Variants in PRKD2 observed in about 807,000 individuals in gnomAD.
PRKD2 encodes the protein protein kinase D2, also known as serine/threonine-protein kinase D2.
PRKD2 carries 22 observed loss-of-function variants against 86.0 expected under a neutral mutation model. The observed-to-expected ratio is 0.26, with a 90% CI of 0.18 to 0.37. PRKD2 has a LOEUF of 0.37. Among genes scored for constraint, PRKD2 ranks in the 10% least tolerant of loss-of-function variants. The pLI is 1.00. For missense variants in PRKD2, 818 were observed against 1,199.2 expected (o/e 0.68, Z 4.70); for synonymous variants, 509 against 510.9 (o/e 1.00, Z 0.05).
intron 15 of PRKD2, among the ~76,000 whole-genome samples, chr19:46,680,946 A>ATATT: frequency 3.5e-4 from 17 of 48,228 alleles, no homozygotes; most frequent in African/African-American, 4.2e-4. Flanking sequence ...ATATATATAT[A>ATATT]TTTTTTTTTT....
At chr19:46,713,337 C>T (rs2053835497) in intron 2 of PRKD2, among the ~76,000 whole-genome samples, 1 of 151,370 alleles carries the variant, frequency 6.6e-6, no homozygotes, top group African/African-American at 2.4e-5. Flanking sequence ...CATTTTTTAC[C>T]TTTATATTTA....
At chr19:46,681,803 C>G in intron 14 of PRKD2, 55 bp from the exon 15 acceptor site, 1 of 1,184,186 alleles carries the variant, frequency 8.4e-7, no homozygotes, top group South Asian at 1.2e-5. Context: ...CAGCCAAATC[C>G]CAACCTCAGC....
chr19:46,681,625 CAAA>C, intron 15 of PRKD2, 22 bp downstream of exon 15: 1 of 1,466,726 alleles, frequency 6.8e-7, no homozygotes, highest in Non-Finnish European at 9.5e-7. Context: ...TGGATTTCCC[CAAA>C]TCAGGAGGGG....
At chr19:46,697,307 G>A in intron 8 of PRKD2, 73 bp from the exon 9 acceptor site, 1 of 1,192,240 alleles carries the variant, frequency 8.4e-7, no homozygotes. Flanking sequence ...GGAGCTGCTT[G>A]GGGCTCCAGG....
chr19:46,680,935 TA>T (rs2053290134), intron 15 of PRKD2, among the ~76,000 whole-genome samples: 1 of 50,904 alleles, frequency 2.0e-5, no homozygotes, highest in Non-Finnish European at 4.4e-5. Flanking sequence ...TATATATATA[TA>T]TATATATATA....
rs766662185 is a variant in PRKD2, at chr19:46,690,753, C to G, written c.1703-47G>C. The G allele has an allele frequency of 2.6e-6, 4 of 1,528,282 alleles. No homozygotes were observed. In the East Asian group the frequency reaches 6.8e-5, roughly 26 times the overall value. The allele number at this position is 1,528,282 out of a possible 1,614,324, so 94.7% of individuals were successfully genotyped here. ...TGGGGGATGAGAGAGCAAGACCACCCAGTCCTGGCAGGAGTATCTCCACCT... is the reference window on the plus strand; with the variant it reads ...TGGGGGATGAGAGAGCAAGACCACCGAGTCCTGGCAGGAGTATCTCCACCT... On this transcript the variant is annotated intron_variant, in intron 12 of 17. Transcript: ENST00000291281.
At chr19:46,680,946 ATTTTTTTT>A (rs1222612655) in intron 15 of PRKD2, among the ~76,000 whole-genome samples, 6 of 48,218 alleles carry the variant, frequency 1.2e-4, no homozygotes, top group African/African-American at 3.5e-4. Context: ...ATATATATAT[ATTTTTTTT>A]TTTTTTTTTG....
intron 15 of PRKD2, among the ~76,000 whole-genome samples, chr19:46,680,946 A>ATATTTTTT: frequency 2.1e-5 from 1 of 48,258 alleles, no homozygotes; most frequent in Non-Finnish European, 4.0e-5. Flanking sequence ...ATATATATAT[A>ATATTTTTT]TTTTTTTTTT....
At chr19:46,708,521 T>C (rs10404836) in intron 3 of PRKD2, among the ~76,000 whole-genome samples, 84,414 of 151,362 alleles carry the variant, frequency 0.56, 23,718 homozygotes, top group Middle Eastern at 0.62. Context: ...TTCACCATGT[T>C]GCCCATGCTG....
chr19:46,697,408 C>G, intron 8 of PRKD2, 174 bp from the exon 9 acceptor site: 1 of 602,924 alleles, frequency 1.7e-6, no homozygotes, highest in South Asian at 2.0e-5. Context: ...AGCCCCGCCC[C>G]TAGCCTTAAC....
intron 8 of PRKD2, among the ~76,000 whole-genome samples, 192 bp downstream of exon 8, chr19:46,697,541 A>G (rs1192127680): frequency 2.7e-5 from 4 of 146,212 alleles, no homozygotes; most frequent in Non-Finnish European, 6.0e-5. Flanking sequence ...GGTCTTCCCT[A>G]ACTCCTGCCC....
intron 1 of PRKD2, among the ~76,000 whole-genome samples, chr19:46,715,915 G>A (rs1282655251): frequency 6.6e-6 from 1 of 152,222 alleles, no homozygotes; most frequent in African/African-American, 2.4e-5. Context: ...CATGAAATTT[G>A]GGGAGGCCTC....
chr19:46,676,197 G>A (rs141409639), intron 16 of PRKD2, among the ~76,000 whole-genome samples: 14,688 of 152,150 alleles, frequency 0.097, 873 homozygotes, highest in Non-Finnish European at 0.13. Flanking sequence ...GGGAGGCCGA[G>A]GCGGGTGGAT....
chr19:46,699,866 T>G (rs936574573), intron 7 of PRKD2, among the ~76,000 whole-genome samples: 1 of 149,302 alleles, frequency 6.7e-6, no homozygotes, highest in Non-Finnish European at 1.5e-5. Context: ...GAGGATTGCT[T>G]GAGCGCAGAA....
intron 8 of PRKD2, 67 bp downstream of exon 8, chr19:46,697,666 A>G (rs2053580347): frequency 1.4e-6 from 2 of 1,447,860 alleles, no homozygotes; most frequent in African/African-American, 2.8e-5. Context: ...AGCCCCGCCT[A>G]CTCAAGCTGA....
intron 14 of PRKD2, among the ~76,000 whole-genome samples, chr19:46,684,391 G>A (rs563948540): frequency 6.6e-5 from 10 of 152,128 alleles, no homozygotes; most frequent in African/African-American, 1.7e-4. Context: ...GCATGACCTC[G>A]ACTCACCACA....
intron 11 of PRKD2, 50 bp from the exon 12 acceptor site, chr19:46,691,857 G>T: frequency 6.2e-7 from 1 of 1,611,714 alleles, no homozygotes; most frequent in East Asian, 2.2e-5. Flanking sequence ...AAATGGGGAA[G>T]GGGGAGTCAA....
chr19:46,689,757 G>A, intron 13 of PRKD2, 59 bp from the exon 14 acceptor site: 1 of 1,590,342 alleles, frequency 6.3e-7, no homozygotes, highest in Non-Finnish European at 8.6e-7. Context: ...ACCCCAACGG[G>A]TCAGGTATAG....
At chr19:46,677,045 A>G (rs2053217172) in intron 16 of PRKD2, 1 of 135,114 alleles carries the variant, frequency 7.4e-6, no homozygotes, top group African/African-American at 2.9e-5. Flanking sequence ...TGGGTGAAAG[A>G]GCGAGACCCC....
Sources: gnomAD v4.1 joint callset for allele counts (sites outside exome capture counted in the v4.1 genomes callset) on GRCh38, gnomAD v4.1.1 for gene constraint, MANE v1.5 for transcripts, NCBI Gene and HGNC (gene_info 2026-07-23, HGNC 2026-07-21) for gene names.